The following TSHZ3 variants were observed in gnomAD, a reference collection of about 807,000 sequenced individuals.
The protein encoded by TSHZ3 is teashirt homolog 3.
A neutral mutation model predicts 64.5 loss-of-function variants in TSHZ3; 10 were observed. The observed-to-expected ratio is 0.16, with a 90% confidence interval of 0.10 to 0.26. The LOEUF is 0.26. Ranked by LOEUF, TSHZ3 falls within the 10% of genes least tolerant of loss-of-function variation. The pLI, the probability that TSHZ3 is intolerant of heterozygous loss-of-function variation, is 1.00. For synonymous variants in TSHZ3, 608 were observed against 593.1 expected, an observed-to-expected ratio of 1.03 and a Z score of -0.36; for missense variants, 1,242 against 1,421.7, an observed-to-expected ratio of 0.87 and a Z score of 2.03.
intron 5 of TSHZ3, among the ~76,000 whole-genome samples, chr19:31,196,770 C>A (rs1229669335): frequency 1.3e-5 from 2 of 151,900 alleles, no homozygotes; most frequent in African/African-American, 2.4e-5. Context: ...CATAACAATC[C>A]TTAGTAAAGT....
chr19:31,319,467 A>T (rs546654024), intron 1 of TSHZ3, among the ~76,000 whole-genome samples: 5 of 152,352 alleles, frequency 3.3e-5, no homozygotes, highest in Non-Finnish European at 4.4e-5. Context: ...GAAGAAGTGA[A>T]AATGGCTGAA....
chr19:31,167,944 C>A (rs1038254770), intron 5 of TSHZ3: 1 of 152,108 alleles, frequency 6.6e-6, no homozygotes, highest in East Asian at 1.9e-4. Context: ...ATGTAAGTCA[C>A]ATATGTATGT....
At chr19:31,262,566 G>A (rs1460048992) in intron 1 of TSHZ3, among the ~76,000 whole-genome samples, 1 of 151,876 alleles carries the variant, frequency 6.6e-6, no homozygotes, top group Non-Finnish European at 1.5e-5. Flanking sequence ...GCATTTTGAA[G>A]TTCACTTTGT....
rs562692925 is a variant in TSHZ3, at chr19:31,264,703, G to C, written n.64-21828C>G. Among the ~76,000 whole-genome samples, 5 of 146,296 alleles carry C rather than the reference G, an allele frequency of 3.4e-5. No individual in the cohort carries two copies. In the East Asian group the frequency reaches 1.0e-3, roughly 29 times the overall value. On this transcript the variant is annotated intron_variant and non_coding_transcript_variant, in intron 1 of 6. Coordinates refer to the TSHZ3 transcript ENST00000651361. Reference sequence around the variant, plus strand: ...TTTGGCAATGAATTCAAGTTTTGTGGGTTTTTCTTTTTTTTTTTTTTTAAG... The same window carrying C: ...TTTGGCAATGAATTCAAGTTTTGTGCGTTTTTCTTTTTTTTTTTTTTTAAG...
At chr19:31,259,637 A>T (rs542224879) in intron 1 of TSHZ3, among the ~76,000 whole-genome samples, 1 of 151,888 alleles carries the variant, frequency 6.6e-6, no homozygotes, top group Non-Finnish European at 1.5e-5. Context: ...AGCTCACTCA[A>T]TTTTTGCTGG....
rs778658111 is a variant in TSHZ3, at chr19:31,279,598, G to A, written c.195C>T (p.Ala65=). The A allele has an allele frequency of 4.8e-5, 77 of 1,611,850 alleles. No homozygotes were observed. In the Middle Eastern group the frequency reaches 5.0e-4, roughly 10 times the overall value. The change falls in exon 2 of 2, where the codon GCC becomes GCT. Residue 65 remains alanine, a synonymous_variant. Transcript: ENST00000240587. This position sits in a 1 kb window ranked among gnomAD's most constrained non-coding sequence, Gnocchi z 6.4. ...TGTCCATTTCATGGCAGGAAAACTC[G>A]GCGGCCGGGGAGTTCTGGTAGCTGG... ...ACPSYQNSPA[A]EFSCHEMDSE...
chr19:31,210,738 C>T (rs1245167534), intron 4 of TSHZ3, among the ~76,000 whole-genome samples: 1 of 152,176 alleles, frequency 6.6e-6, no homozygotes, highest in African/African-American at 2.4e-5. Context: ...CAACAGGTTA[C>T]AGATACATAA....
intron 1 of TSHZ3, among the ~76,000 whole-genome samples, chr19:31,282,105 C>T (rs2145118889): frequency 6.6e-6 from 1 of 152,196 alleles, no homozygotes; most frequent in Non-Finnish European, 1.5e-5. Flanking sequence ...TAGACACAGC[C>T]CACTGTCTGC....
intron 1 of TSHZ3, among the ~76,000 whole-genome samples, chr19:31,290,576 C>T (rs1976546217): frequency 6.6e-6 from 1 of 152,166 alleles, no homozygotes; most frequent in South Asian, 2.1e-4. Context: ...GTGGGGAACA[C>T]AAGTCTTCTC....
At chr19:31,174,657 C>T (rs933588440) in intron 5 of TSHZ3, among the ~76,000 whole-genome samples, 1 of 152,134 alleles carries the variant, frequency 6.6e-6, no homozygotes, top group Non-Finnish European at 1.5e-5. Flanking sequence ...TCACATCCAC[C>T]AGCTGTTTCT....
At position 31,303,875 on chromosome 19, in the gene TSHZ3, C is replaced by T. The variant is rs190165150; in HGVS notation, c.41-24123G>A. On this transcript the variant is annotated intron_variant, in intron 1 of 1. Coordinates refer to ENST00000240587, the MANE Select transcript of TSHZ3 (RefSeq NM_020856.4). Reference sequence around the variant, plus strand: ...ATAAATGCTAGCTACCATTTGGTGACATGGATCCTGACTAGGGCCAAGTGC... The same window carrying T: ...ATAAATGCTAGCTACCATTTGGTGATATGGATCCTGACTAGGGCCAAGTGC... Among the ~76,000 whole-genome samples, 17 of 152,294 alleles carry T rather than the reference C, an allele frequency of 1.1e-4. No homozygotes were observed. In the East Asian group the frequency reaches 2.9e-3, roughly 26 times the overall value.
At position 31,214,909 on chromosome 19, in the gene TSHZ3, GAAAAAAA is replaced by G. The variant is rs950173415; in HGVS notation, n.687-9838_687-9832del. On this transcript the variant is annotated intron_variant and non_coding_transcript_variant, in intron 4 of 6. Coordinates refer to the TSHZ3 transcript ENST00000651361. ...GGCGACAGAGCGAGACTCTGTCTCA[GAAAAAAA>G]AAAAAAAAAAAAAAAAGAACCGAGC... Among the ~76,000 whole-genome samples the G allele has an allele frequency of 1.7e-4, 7 of 41,864 alleles. No individual in the cohort carries two copies. The South Asian group carries it at 6.0e-3, about 36-fold the overall frequency. 27.5% of individuals were successfully genotyped at this position (41,864 alleles called of 152,430 possible). A position where few individuals can be genotyped will look rare whatever the true frequency, so the allele number is the denominator to read the frequency against.
At chr19:31,292,284 T>C (rs1976579867) in intron 1 of TSHZ3, among the ~76,000 whole-genome samples, 1 of 152,158 alleles carries the variant, frequency 6.6e-6, no homozygotes, top group Non-Finnish European at 1.5e-5. Flanking sequence ...AGCAGAGGGA[T>C]TCTCAGGGGG....
Position 31,277,892 on chromosome 19 carries a change from T to C in TSHZ3, c.1901A>G (p.Lys634Arg). Residue 634 changes from lysine (K) to arginine (R), a missense_variant, in exon 2 of 2, where the codon AAG becomes AGG. Around this residue, in one of 4 missense-constraint regions of TSHZ3, gnomAD observed 550 missense variants for 545.1 expected, o/e 1.01. Coordinates refer to ENST00000240587, the MANE Select transcript of TSHZ3 (RefSeq NM_020856.4). This position sits in a 1 kb window ranked among gnomAD's most constrained non-coding sequence, Gnocchi z 4.5. ...AGTGGCCCGCTTGGGCGGGGAAAGC[T>C]TCCCATCCGGCTCCTTCATCTTCTC... ...VEEKMKEPDGKLSPPKRATPS... is the reference protein window; with the variant it reads ...VEEKMKEPDGRLSPPKRATPS... 6.2e-7 allele frequency: 1 copy of C among 1,612,906 alleles called. No homozygotes were observed. Among genetic ancestry groups the C allele is most frequent in the Non-Finnish European group, 8.5e-7 (1 of 1,179,482 alleles).
At chr19:31,312,425 T>C (rs4804959) in intron 1 of TSHZ3, among the ~76,000 whole-genome samples, 63,635 of 152,046 alleles carry the variant, frequency 0.42, 13,837 homozygotes, top group East Asian at 0.82. Flanking sequence ...GGGGTAGTCC[T>C]ATCGGACAGC....
exon 7 of TSHZ3, among the ~76,000 whole-genome samples, chr19:31,150,186 C>T (rs929335001): frequency 3.5e-4 from 53 of 152,242 alleles, no homozygotes; most frequent in African/African-American, 1.3e-3. Flanking sequence ...GTGGAGAAAA[C>T]GCCCGGGTTG....
chr19:31,287,320 C>T (rs1976480085), intron 1 of TSHZ3, among the ~76,000 whole-genome samples: 1 of 152,176 alleles, frequency 6.6e-6, no homozygotes, highest in Admixed American at 6.5e-5. Flanking sequence ...AGGTGCTTTG[C>T]TGGCTAAAAC....
intron 4 of TSHZ3, among the ~76,000 whole-genome samples, chr19:31,224,403 AG>A: frequency 6.6e-6 from 1 of 152,342 alleles, no homozygotes; most frequent in East Asian, 1.9e-4. Flanking sequence ...CTCTGTGCTA[AG>A]ATATCTGTAA....
intron 1 of TSHZ3, among the ~76,000 whole-genome samples, chr19:31,330,708 G>T (rs903932): frequency 0.022 from 3,295 of 148,318 alleles, 148 homozygotes; most frequent in African/African-American, 0.078. Context: ...TAATCCTTGG[G>T]CGGGGGGAGG....
Sources: allele counts gnomAD v4.1 joint callset (sites outside exome capture counted in the v4.1 genomes callset), GRCh38; gene constraint gnomAD v4.1.1; regional missense constraint gnomAD v4.1.1; non-coding constraint Gnocchi (gnomAD v3.1); transcripts MANE v1.5; gene names NCBI Gene and HGNC (gene_info 2026-07-23, HGNC 2026-07-21).